ARPP21: variants seen among roughly 807,000 people sequenced by gnomAD.
ARPP21 encodes the protein cAMP-regulated phosphoprotein 21.
In ARPP21, 69 loss-of-function variants were observed where a neutral mutation model predicts 113.2. That is an observed-to-expected ratio of 0.61 (90% CI 0.50 to 0.74). ARPP21 has a LOEUF of 0.74. Ranked by LOEUF, ARPP21 falls within the 30% of genes least tolerant of loss-of-function variation. ARPP21 has a pLI of 0.00. For missense variants in ARPP21, 1,070 were observed against 1,037.4 expected (o/e 1.03, Z -0.43); for synonymous variants, 368 against 375.5 (o/e 0.98, Z 0.23).
chr3:35,767,532 G>A (rs1477676989), intron 19 of ARPP21, among the ~76,000 whole-genome samples: 1 of 152,010 alleles, frequency 6.6e-6, no homozygotes, highest in African/African-American at 2.4e-5. Flanking sequence ...TTCACTCCAA[G>A]CAGAGAAAAG....
At chr3:35,749,904 T>G (rs951722370) in intron 19 of ARPP21, among the ~76,000 whole-genome samples, 1 of 152,080 alleles carries the variant, frequency 6.6e-6, no homozygotes, top group Non-Finnish European at 1.5e-5. Flanking sequence ...TGTTGTGATA[T>G]CCTGTTTCAT....
At chr3:35,733,521 A>C (rs1186537442) in intron 15 of ARPP21, among the ~76,000 whole-genome samples, 1 of 152,158 alleles carries the variant, frequency 6.6e-6, no homozygotes, top group East Asian at 1.9e-4. Context: ...TAGGCTAACT[A>C]GGCCGAGGGC....
At chr3:35,763,877 T>C (rs373188842) in intron 19 of ARPP21, among the ~76,000 whole-genome samples, 2 of 152,046 alleles carry the variant, frequency 1.3e-5, no homozygotes, top group African/African-American at 2.4e-5. Context: ...CAAATATTAT[T>C]TTCAGGCCGG....
In ARPP21 at chr3:35,690,723, T is replaced by C; in HGVS notation, c.546-142T>C. 4 of 705,088 alleles carry C rather than the reference T, an allele frequency of 5.7e-6. No individual in the cohort carries two copies. The East Asian group carries it at 9.0e-5, about 16-fold the overall frequency. The allele number at this position is 705,088 out of a possible 1,614,324, so 43.7% of individuals were successfully genotyped here. A position where few individuals can be genotyped will look rare whatever the true frequency, so the allele number is the denominator to read the frequency against. ...ATAAGTAGAAAATTTTTCTAGAAAT[T>C]AGGACATTAAGTGATGCCAGAAATG... On this transcript the variant is annotated intron_variant, in intron 8 of 20. Transcript: ENST00000684406.
intron 10 of ARPP21, 68 bp downstream of exon 10, chr3:35,707,150 C>G: frequency 8.1e-7 from 1 of 1,228,822 alleles, no homozygotes; most frequent in South Asian, 1.3e-5. Context: ...ATGTTCATGT[C>G]GTCCCTCTGT....
At chr3:35,640,537 G>A (rs1376740706) in intron 1 of ARPP21, 139 bp downstream of exon 1, 2 of 152,078 alleles carry the variant, frequency 1.3e-5, no homozygotes, top group Non-Finnish European at 1.5e-5. Context: ...TTTGTAGAAA[G>A]CTGATGTTGT....
rs543921047 is a variant in ARPP21, at chr3:35,681,979, C to T, written c.129+99C>T. On this transcript the variant is annotated intron_variant, in intron 3 of 20. Coordinates refer to ENST00000684406, the MANE Select transcript of ARPP21 (RefSeq NM_001385562.1). ...TAGAGATTTATTTTTTAAAGAGTTT[C>T]ACTGGTTATATCATTAGGAAATGCT... The T allele has an allele frequency of 4.5e-6, 6 of 1,345,786 alleles. No homozygotes were observed. In the African/African-American group the frequency reaches 8.8e-5, roughly 20 times the overall value. The allele number at this position is 1,345,786 out of a possible 1,614,324, so 83.4% of individuals were successfully genotyped here. A position where few individuals can be genotyped will look rare whatever the true frequency, so the allele number is the denominator to read the frequency against.
At chr3:35,745,060 G>A (rs1045872110) in intron 19 of ARPP21, among the ~76,000 whole-genome samples, 10 of 152,172 alleles carry the variant, frequency 6.6e-5, no homozygotes, top group African/African-American at 1.9e-4. Context: ...AAGAATTAGA[G>A]AAACCTATAT....
chr3:35,668,014 GAAGAAGAAGAA>G (rs2075256194), intron 1 of ARPP21, among the ~76,000 whole-genome samples: 3 of 149,854 alleles, frequency 2.0e-5, no homozygotes, highest in East Asian at 3.9e-4. Context: ...AGAAGAAGAA[GAAGAAGAAGAA>G]GAAGAAGGAG....
At chr3:35,730,554 T>G (rs1486583068) in intron 15 of ARPP21, among the ~76,000 whole-genome samples, 1 of 152,216 alleles carries the variant, frequency 6.6e-6, no homozygotes, top group Non-Finnish European at 1.5e-5. Flanking sequence ...TGACATTGAC[T>G]AGTCACTTCT....
rs1034449293 is a variant in ARPP21 at position 35,640,026 on chromosome 3, G to C, written c.-585G>C. On this transcript the variant is annotated 5_prime_UTR_variant, in exon 1 of 21. Transcript: ENST00000684406. Reference sequence around the variant, plus strand: ...AGGAGGCGGGGGCGCGTTCACTCCCGGCGGCCAGCCGGCCAGAGAAGGCGG... The same window carrying C: ...AGGAGGCGGGGGCGCGTTCACTCCCCGCGGCCAGCCGGCCAGAGAAGGCGG... 2.6e-5 allele frequency: 4 copies of C among 152,334 alleles called. No individual in the cohort carries two copies. Among genetic ancestry groups the C allele is most frequent in the Non-Finnish European group, 5.9e-5 (4 of 68,212 alleles). The allele number at this position is 152,334 out of a possible 1,614,324, so 9.4% of individuals were successfully genotyped here.
intron 20 of ARPP21, 59 bp downstream of exon 20, chr3:35,792,589 G>C: frequency 6.4e-7 from 1 of 1,551,626 alleles, no homozygotes; most frequent in Admixed American, 1.7e-5. Flanking sequence ...CAAAGTGGAA[G>C]CTGTGGGTCT....
chr3:35,792,597 T>C, intron 20 of ARPP21, 67 bp downstream of exon 20: 1 of 1,514,858 alleles, frequency 6.6e-7, no homozygotes, highest in Non-Finnish European at 9.2e-7. Context: ...AAGCTGTGGG[T>C]CTGTCCCTGG....
rs2096403383 is a variant in ARPP21, at chr3:35,777,370, A to G, written c.2138-15012A>G. Among the ~76,000 whole-genome samples the G allele has an allele frequency of 3.3e-5, 5 of 152,198 alleles. No individual in the cohort carries two copies. In the South Asian group the frequency reaches 1.0e-3, roughly 31 times the overall value. ...CTTGCTCCCAGTTAATAAGCAAGAA[A>G]AGTGAAGCTCAGAGATATCAGGCAA... On this transcript the variant is annotated intron_variant, in intron 19 of 20. Transcript: ENST00000684406.
chr3:35,761,319 G>A (rs2095768012), intron 19 of ARPP21, among the ~76,000 whole-genome samples: 1 of 152,068 alleles, frequency 6.6e-6, no homozygotes. Context: ...ACGTTTAGAT[G>A]TAGGTAAGGT....
intron 19 of ARPP21, among the ~76,000 whole-genome samples, chr3:35,753,164 G>T (rs1015273711): frequency 6.6e-6 from 1 of 151,432 alleles, no homozygotes; most frequent in Non-Finnish European, 1.5e-5. Flanking sequence ...GGTGCTTCAG[G>T]TAAAGTTGTT....
intron 14 of ARPP21, among the ~76,000 whole-genome samples, chr3:35,725,336 G>A (rs556563022): frequency 6.6e-6 from 1 of 152,276 alleles, no homozygotes; most frequent in African/African-American, 2.4e-5. Flanking sequence ...CATCTCAAAG[G>A]AGCATAAATG....
At chr3:35,792,283 G>A in intron 19 of ARPP21, 99 bp from the exon 20 acceptor site, 3 of 946,566 alleles carry the variant, frequency 3.2e-6, no homozygotes, top group Non-Finnish European at 3.3e-6. Flanking sequence ...TGGAGACTGA[G>A]ATGTCTGAAG....
At chr3:35,762,096 CCT>C (rs373149403) in intron 19 of ARPP21, among the ~76,000 whole-genome samples, 14,575 of 135,494 alleles carry the variant, frequency 0.11, 913 homozygotes, top group Non-Finnish European at 0.15. Context: ...CTCTCTCTCT[CCT>C]CTCTCTCTCT....
Sources: gnomAD v4.1 joint callset for allele counts (sites outside exome capture counted in the v4.1 genomes callset) on GRCh38, gnomAD v4.1.1 for gene constraint, MANE v1.5 for transcripts, NCBI Gene and HGNC (gene_info 2026-07-23, HGNC 2026-07-21) for gene names.